VPS13A: variants seen among roughly 807,000 people sequenced by gnomAD.
VPS13A encodes the protein intermembrane lipid transfer protein VPS13A.
A neutral mutation model predicts 390.9 loss-of-function variants in VPS13A; 264 were observed. The ratio of observed to expected loss-of-function variants is 0.68; its 90% CI spans 0.61 to 0.75. The LOEUF (loss-of-function observed/expected upper bound fraction) is 0.75, where lower values mean the gene tolerates loss of function less well. Among genes scored for constraint, VPS13A ranks in the 30% least tolerant of loss-of-function variants. The pLI is 0.00. For missense variants in VPS13A, 3,409 were observed against 3,733.9 expected (o/e 0.91, Z 2.27); for synonymous variants, 1,231 against 1,227.1 (o/e 1.00, Z -0.07).
At chr9:77,334,601 T>C (rs531066606) in intron 46 of VPS13A, among the ~76,000 whole-genome samples, 14 of 150,882 alleles carry the variant, frequency 9.3e-5, no homozygotes, top group African/African-American at 3.2e-4. Flanking sequence ...TTTTGGTACC[T>C]ATCACAATGC....
chr9:77,388,592 A>ACTTCTT (rs1351161415), intron 68 of VPS13A, among the ~76,000 whole-genome samples: 3 of 152,142 alleles, frequency 2.0e-5, no homozygotes, highest in Non-Finnish European at 4.4e-5. Flanking sequence ...CATTGCTTAC[A>ACTTCTT]CATGTTTTAA....
intron 17 of VPS13A, among the ~76,000 whole-genome samples, chr9:77,232,460 G>A (rs1019487935): frequency 1.3e-5 from 2 of 152,136 alleles, no homozygotes; most frequent in Non-Finnish European, 2.9e-5. Flanking sequence ...AGTTTCAGAA[G>A]GATTGTTATT....
At chr9:77,398,009 GT>G (rs1834189759) in intron 68 of VPS13A, among the ~76,000 whole-genome samples, 1 of 152,102 alleles carries the variant, frequency 6.6e-6, no homozygotes, top group African/African-American at 2.4e-5. Context: ...TGGTCTTTAT[GT>G]AAAGGCCCTA....
intron 1 of VPS13A, among the ~76,000 whole-genome samples, chr9:77,198,721 T>G (rs1053551509): frequency 1.3e-5 from 2 of 152,060 alleles, no homozygotes; most frequent in Non-Finnish European, 1.5e-5. Context: ...TGGAGTGCAG[T>G]GGCGTGATGT....
At chr9:77,214,294 A>G (rs1331391969) in intron 9 of VPS13A, 35 bp from the exon 10 acceptor site, 2 of 1,581,512 alleles carry the variant, frequency 1.3e-6, no homozygotes, top group Non-Finnish European at 1.7e-6. Context: ...ACATATTGGC[A>G]TGAATATAAA....
chr9:77,401,860 T>C (rs993554993), intron 68 of VPS13A, among the ~76,000 whole-genome samples: 2 of 152,216 alleles, frequency 1.3e-5, no homozygotes, highest in African/African-American at 4.8e-5. Flanking sequence ...ACATACCTTT[T>C]ATTACAGTAT....
At chr9:77,373,817 G>T (rs1051356916) in intron 67 of VPS13A, among the ~76,000 whole-genome samples, 7 of 151,826 alleles carry the variant, frequency 4.6e-5, no homozygotes, top group Non-Finnish European at 7.4e-5. Flanking sequence ...CCATCAAAAA[G>T]TGGGCGAAGG....
intron 71 of VPS13A, among the ~76,000 whole-genome samples, chr9:77,412,785 A>G (rs1474875430): frequency 5.3e-5 from 8 of 152,190 alleles, no homozygotes; most frequent in Admixed American, 2.0e-4. Flanking sequence ...AGGGTATTCA[A>G]TTAGGAAAAG....
intron 67 of VPS13A, 28 bp downstream of exon 67, chr9:77,371,177 G>A (rs1832728159): frequency 1.2e-6 from 2 of 1,613,384 alleles, no homozygotes; most frequent in East Asian, 4.5e-5. Flanking sequence ...TAAGATATGA[G>A]TTAAAATGCT....
intron 1 of VPS13A, among the ~76,000 whole-genome samples, chr9:77,178,590 A>G (rs7042149): frequency 0.029 from 4,368 of 152,272 alleles, 115 homozygotes; most frequent in East Asian, 0.12. Context: ...CAGACCTGCA[A>G]AAGACCGGGC....
intron 33 of VPS13A, among the ~76,000 whole-genome samples, chr9:77,299,677 A>G (rs1031974637): frequency 1.3e-5 from 2 of 152,212 alleles, no homozygotes; most frequent in African/African-American, 4.8e-5. Flanking sequence ...ACCAACCCAA[A>G]TGCTCATCAA....
At chr9:77,342,654 T>C (rs1830898231) in intron 50 of VPS13A, among the ~76,000 whole-genome samples, 1 of 152,214 alleles carries the variant, frequency 6.6e-6, no homozygotes, top group Non-Finnish European at 1.5e-5. Flanking sequence ...ATGTGAAACA[T>C]AAATGAATTT....
At chr9:77,415,134 T>G (rs1464219746) in intron 71 of VPS13A, among the ~76,000 whole-genome samples, 1 of 152,190 alleles carries the variant, frequency 6.6e-6, no homozygotes, top group African/African-American at 2.4e-5. Flanking sequence ...AAGCATGACT[T>G]TTAGGCCACC....
At chr9:77,305,751 G>C (rs1828703002) in intron 34 of VPS13A, 1 of 152,520 alleles carries the variant, frequency 6.6e-6, no homozygotes, top group South Asian at 2.1e-4. Context: ...TTCTGTGCCA[G>C]GGAGAGGCTA....
chr9:77,212,888 G>T lies in VPS13A; in HGVS notation c.556-81G>T, dbSNP rs547102692. On this transcript the variant is annotated intron_variant, in intron 7 of 71. Coordinates refer to ENST00000360280, the MANE Select transcript of VPS13A (RefSeq NM_033305.3). ...TTTCATGAAAGGGACATTGGTCTAGGGTATGGTAGATAATGATTTATTACT... is the reference window on the plus strand; with the variant it reads ...TTTCATGAAAGGGACATTGGTCTAGTGTATGGTAGATAATGATTTATTACT... 2.8e-6 allele frequency: 4 copies of T among 1,420,962 alleles called. No individual in the cohort carries two copies. The African/African-American group carries it at 4.2e-5, about 15-fold the overall frequency. The allele number at this position is 1,420,962 out of a possible 1,614,324, so 88.0% of individuals were successfully genotyped here.
At chr9:77,178,665 G>A (rs1475013701) in intron 1 of VPS13A, among the ~76,000 whole-genome samples, 2 of 152,118 alleles carry the variant, frequency 1.3e-5, no homozygotes, top group African/African-American at 2.4e-5. Context: ...GTTTAGTGTG[G>A]TATTCTGCCT....
rs1318839918 is a variant in VPS13A, at chr9:77,411,371, TA to T, written c.9474+3768del. Among the ~76,000 whole-genome samples, 4 of 151,924 alleles carry T rather than the reference TA, an allele frequency of 2.6e-5. No homozygotes were observed. In the East Asian group the frequency reaches 7.8e-4, roughly 29 times the overall value. On this transcript the variant is annotated intron_variant, in intron 71 of 71. Coordinates refer to ENST00000360280, the MANE Select transcript of VPS13A (RefSeq NM_033305.3). ...AAAATTGACACCCTAACATCACAAT[TA>T]AAAGAACTAGGCCGGGCACAGTGGC...
intron 1 of VPS13A, 156 bp downstream of exon 1, chr9:77,177,960 G>A: frequency 3.1e-6 from 2 of 638,644 alleles, no homozygotes; most frequent in South Asian, 1.9e-5. Flanking sequence ...CGTAAAGCCG[G>A]GCGGCAGTTC....
chr9:77,303,592 G>C (rs556176364), intron 34 of VPS13A, among the ~76,000 whole-genome samples: 7 of 152,042 alleles, frequency 4.6e-5, no homozygotes, highest in Non-Finnish European at 7.4e-5. Context: ...TCTGAGTTCC[G>C]TCAGTTTTTA....
Sources: gnomAD v4.1 joint callset for allele counts (sites outside exome capture counted in the v4.1 genomes callset) on GRCh38, gnomAD v4.1.1 for gene constraint, MANE v1.5 for transcripts, NCBI Gene and HGNC (gene_info 2026-07-23, HGNC 2026-07-21) for gene names.